POLH: variants seen among roughly 807,000 people sequenced by gnomAD.
The protein encoded by POLH is DNA polymerase eta transcript.
In POLH, 53 loss-of-function variants were observed where a neutral mutation model predicts 73.6. The observed-to-expected ratio is 0.72, with a 90% CI of 0.58 to 0.91. POLH has a LOEUF of 0.91. POLH is among the 40% of genes least tolerant of loss of function. The pLI, the probability that POLH is intolerant of heterozygous loss-of-function variation, is 0.00. For missense variants in POLH, 768 were observed against 865.4 expected (o/e 0.89, Z 1.41); for synonymous variants, 292 against 308.5 (o/e 0.95, Z 0.56).
Position 43,618,781 on chromosome 6 carries a change from C to T in POLH, c.*4224C>T, listed in dbSNP as rs539454952. 1.8e-4 allele frequency among the ~76,000 whole-genome samples: 27 copies of T among 152,200 alleles called. No individual in the cohort carries two copies. The highest frequency in any genetic ancestry group is 3.7e-4 in the Non-Finnish European group (25 of 68,016). Reference sequence around the variant, plus strand: ...GAGTAGCTGGGATTATAGGCATGCACCATCACGCCTGGCTAATTTTTGTAT... The same window carrying T: ...GAGTAGCTGGGATTATAGGCATGCATCATCACGCCTGGCTAATTTTTGTAT... On this transcript the variant is annotated 3_prime_UTR_variant, in exon 11 of 11. Coordinates refer to ENST00000372236, the MANE Select transcript of POLH (RefSeq NM_006502.3).
intron 3 of POLH, among the ~76,000 whole-genome samples, chr6:43,587,012 T>C (rs950790466): frequency 6.6e-6 from 1 of 152,232 alleles, no homozygotes; most frequent in Non-Finnish European, 1.5e-5. Flanking sequence ...GACGTGTTCA[T>C]AGTCTGAATG....
chr6:43,608,530 T>C (rs1201292319), intron 9 of POLH, among the ~76,000 whole-genome samples: 1 of 152,200 alleles, frequency 6.6e-6, no homozygotes, highest in Non-Finnish European at 1.5e-5. Flanking sequence ...TTTCCACTTT[T>C]TTTTCCTAAG....
intron 4 of POLH, among the ~76,000 whole-genome samples, chr6:43,593,880 A>G (rs1484470617): frequency 2.4e-5 from 3 of 126,070 alleles, no homozygotes; most frequent in Non-Finnish European, 4.8e-5. Flanking sequence ...CTCCGTCTCA[A>G]AAAAAAAAAA....
rs980123242 is a variant in POLH at position 43,617,350 on chromosome 6, G to T, written c.*2793G>T. Among the ~76,000 whole-genome samples, 1 of 152,298 alleles carries T rather than the reference G, an allele frequency of 6.6e-6. No homozygotes were observed. The highest frequency in any genetic ancestry group is 1.5e-5 in the Non-Finnish European group (1 of 68,028). On this transcript the variant is annotated 3_prime_UTR_variant, in exon 11 of 11. Coordinates refer to ENST00000372236, the MANE Select transcript of POLH (RefSeq NM_006502.3). ...TAACAAGATTTCCCAATGTGGGTCA[G>T]GTGTGGTGGCTCATGCCTGTAATCC... is the stretch of plus-strand genomic sequence containing the variant.
Position 43,600,041 on chromosome 6 carries a change from C to T in POLH, c.661-947C>T, listed in dbSNP as rs181971281. Among the ~76,000 whole-genome samples, 363 of 152,020 alleles carry T rather than the reference C, an allele frequency of 2.4e-3. 2 individuals carry two copies. Among genetic ancestry groups the T allele is most frequent in the African/African-American group, 8.4e-3 (350 of 41,488 alleles). On this transcript the variant is annotated intron_variant, in intron 5 of 10. Coordinates refer to ENST00000372236, the MANE Select transcript of POLH (RefSeq NM_006502.3). Reference sequence around the variant, plus strand: ...GGCATGGTGGCTCATGCCTGTAATCCCAGCTACTCAGGAGGCTGAGGCAGG... The same window carrying T: ...GGCATGGTGGCTCATGCCTGTAATCTCAGCTACTCAGGAGGCTGAGGCAGG...
intron 9 of POLH, among the ~76,000 whole-genome samples, chr6:43,606,584 A>G (rs978957502): frequency 1.3e-4 from 20 of 151,926 alleles, no homozygotes; most frequent in African/African-American, 4.8e-4. Context: ...ACCTGCCACC[A>G]TACCCAGCTA....
chr6:43,618,803 G>A lies in POLH; in HGVS notation c.*4246G>A, dbSNP rs1363825221. Reference sequence around the variant, plus strand: ...GCACCATCACGCCTGGCTAATTTTTGTATTTTTAGTAGAGATGGGGTTTCG... The same window carrying A: ...GCACCATCACGCCTGGCTAATTTTTATATTTTTAGTAGAGATGGGGTTTCG... On this transcript the variant is annotated 3_prime_UTR_variant, in exon 11 of 11. Coordinates refer to ENST00000372236, the MANE Select transcript of POLH (RefSeq NM_006502.3). 1.3e-5 allele frequency among the ~76,000 whole-genome samples: 2 copies of A among 151,938 alleles called. No individual in the cohort carries two copies. The highest frequency in any genetic ancestry group is 2.9e-5 in the Non-Finnish European group (2 of 67,978).
chr6:43,611,758 T>C (rs1767902348), intron 10 of POLH, among the ~76,000 whole-genome samples: 1 of 152,080 alleles, frequency 6.6e-6, no homozygotes, highest in Non-Finnish European at 1.5e-5. Context: ...TGGAGTCTCC[T>C]AGTCTTTGTT....
chr6:43,594,018 T>C (rs927498358), intron 4 of POLH, among the ~76,000 whole-genome samples: 1 of 152,216 alleles, frequency 6.6e-6, no homozygotes, highest in African/African-American at 2.4e-5. Context: ...TAGATTTTTC[T>C]TATCAACTAG....
rs1256875025 is a variant in POLH, at chr6:43,581,763, C to T, written c.-4-553C>T. Among the ~76,000 whole-genome samples the T allele has an allele frequency of 5.0e-4, 75 of 150,022 alleles. No homozygotes were observed. The East Asian group carries it at 8.7e-3, about 17-fold the overall frequency. On this transcript the variant is annotated intron_variant, in intron 1 of 10. Coordinates refer to ENST00000372236, the MANE Select transcript of POLH (RefSeq NM_006502.3). Reference sequence around the variant, plus strand: ...GCGGGCGTCAGCGCCGCGACTGTCCCGGCTCCGCACTGCCCCGGGCCGCAG... The same window carrying T: ...GCGGGCGTCAGCGCCGCGACTGTCCTGGCTCCGCACTGCCCCGGGCCGCAG...
chr6:43,589,685 A>T (rs1416879999), intron 4 of POLH, among the ~76,000 whole-genome samples: 1 of 135,160 alleles, frequency 7.4e-6, no homozygotes, highest in African/African-American at 2.9e-5. Context: ...CCCAGGCTGG[A>T]GTGCAGTGGC....
Position 43,617,245 on chromosome 6 carries a change from A to G in POLH, c.*2688A>G, listed in dbSNP as rs1768409715. Among the ~76,000 whole-genome samples, 1 of 152,214 alleles carries G rather than the reference A, an allele frequency of 6.6e-6. No homozygotes were observed. Among genetic ancestry groups the G allele is most frequent in the Non-Finnish European group, 1.5e-5 (1 of 68,042 alleles). On this transcript the variant is annotated 3_prime_UTR_variant, in exon 11 of 11. Coordinates refer to ENST00000372236, the MANE Select transcript of POLH (RefSeq NM_006502.3). ...TACTCCCAAGTATGATTTGAGGAAC[A>G]GCAGCCTCAGTATCACCAGGGAACT...
chr6:43,592,312 T>A (rs947744332), intron 4 of POLH, among the ~76,000 whole-genome samples: 5 of 152,224 alleles, frequency 3.3e-5, no homozygotes, highest in South Asian at 2.1e-4. Context: ...TGTAATACCT[T>A]GATACTGAGC....
chr6:43,613,052 C>T (rs1768067122), intron 10 of POLH, among the ~76,000 whole-genome samples: 1 of 152,052 alleles, frequency 6.6e-6, no homozygotes, highest in African/African-American at 2.4e-5. Context: ...CCCGCCTTAG[C>T]CTCCCAAAGT....
chr6:43,592,773 G>T (rs1765607985), intron 4 of POLH, among the ~76,000 whole-genome samples: 1 of 152,192 alleles, frequency 6.6e-6, no homozygotes, highest in Admixed American at 6.6e-5. Context: ...TTTACTTAAA[G>T]TACTTCTCAG....
Position 43,603,949 on chromosome 6 carries a change from C to T in POLH, c.822C>T (p.Tyr274=). 6.2e-7 allele frequency: 1 copy of T among 1,611,970 alleles called. No homozygotes were observed. The highest frequency in any genetic ancestry group is 8.5e-7 in the Non-Finnish European group (1 of 1,178,066). The change falls in exon 7 of 11, where the codon TAC becomes TAT. Residue 274 remains tyrosine (Y), a synonymous_variant. Coordinates refer to ENST00000372236, the MANE Select transcript of POLH (RefSeq NM_006502.3). The part of the protein sequence containing the change: ...ASVIEILGIE[Y]MGELTQFTES... ...TCATTGAGATCCTAGGGATAGAATACATGGGTGAACTGACCCAGTTCACTG... is the reference window on the plus strand; with the variant it reads ...TCATTGAGATCCTAGGGATAGAATATATGGGTGAACTGACCCAGTTCACTG...
chr6:43,576,499 C>G (rs1763355074), intron 1 of POLH, 59 bp downstream of exon 1: 1 of 152,154 alleles, frequency 6.6e-6, no homozygotes, highest in Admixed American at 6.5e-5. Flanking sequence ...GTTGCCTTGG[C>G]TATTGGTTTT....
intron 1 of POLH, among the ~76,000 whole-genome samples, chr6:43,580,335 C>A: frequency 7.0e-6 from 1 of 142,380 alleles, no homozygotes; most frequent in Non-Finnish European, 1.6e-5. Flanking sequence ...GGCAACCATC[C>A]GATTTCTCAA....
At chr6:43,609,897 C>G (rs1767694788) in intron 9 of POLH, among the ~76,000 whole-genome samples, 1 of 152,082 alleles carries the variant, frequency 6.6e-6, no homozygotes, top group South Asian at 2.1e-4. Flanking sequence ...CTGTTCCCAT[C>G]ATCTGTCAAA....
Sources: gnomAD v4.1 joint callset for allele counts (sites outside exome capture counted in the v4.1 genomes callset) on GRCh38, gnomAD v4.1.1 for gene constraint, MANE v1.5 for transcripts, NCBI Gene and HGNC (gene_info 2026-07-23, HGNC 2026-07-21) for gene names.